UBR3: variants seen among roughly 807,000 people sequenced by gnomAD.
The protein encoded by UBR3 is E3 ubiquitin-protein ligase UBR3.
A neutral mutation model predicts 243.2 loss-of-function variants in UBR3; 85 were observed. The ratio of observed to expected loss-of-function variants is 0.35; its 90% CI spans 0.29 to 0.42. The LOEUF (loss-of-function observed/expected upper bound fraction) is 0.42. Among genes scored for constraint, UBR3 ranks in the 10% least tolerant of loss-of-function variants. The pLI is 1.00. For synonymous variants in UBR3, 748 were observed against 799.8 expected (o/e 0.94, Z 1.09); for missense variants, 1,686 against 2,300.8 (o/e 0.73, Z 5.47).
intron 24 of UBR3, among the ~76,000 whole-genome samples, chr2:169,974,067 T>G (rs576310032): frequency 1.5e-4 from 23 of 152,296 alleles, no homozygotes; most frequent in African/African-American, 4.8e-4. Context: ...GTGAGTGATC[T>G]TTTAGCTTTC....
At chr2:170,061,470 G>A (rs1312279224) in intron 35 of UBR3, 27 bp downstream of exon 35, 1 of 1,497,188 alleles carries the variant, frequency 6.7e-7, no homozygotes, top group African/African-American at 1.9e-5. Flanking sequence ...ATGTAAGAGG[G>A]AGCTTTTTTT....
intron 29 of UBR3, 33 bp downstream of exon 29, chr2:170,008,973 C>G: frequency 7.4e-7 from 1 of 1,345,420 alleles, no homozygotes; most frequent in Non-Finnish European, 1.0e-6. Context: ...TTTTAGTTTA[C>G]TTACTATTAA....
intron 1 of UBR3, 121 bp from the exon 2 acceptor site, chr2:169,872,115 C>T (rs1253539679): frequency 1.4e-6 from 1 of 735,262 alleles, no homozygotes; most frequent in Non-Finnish European, 2.0e-6. Context: ...AACCTGGTAC[C>T]TTAAAAATCA....
chr2:169,842,614 G>C (rs1476571033), intron 1 of UBR3, among the ~76,000 whole-genome samples: 1 of 152,160 alleles, frequency 6.6e-6, no homozygotes, highest in Non-Finnish European at 1.5e-5. Flanking sequence ...GAGCCCGCCA[G>C]GAGGAACGAA....
At position 170,052,470 on chromosome 2, in the gene UBR3, G is replaced by A. The variant is rs114427762; in HGVS notation, c.4661-2990G>A. ...ACCACCTAAGTGTCTGTCAATGGAT[G>A]AATAAAGATAATGTGGCATATAAGT... On this transcript the variant is annotated intron_variant, in intron 32 of 38. Transcript: ENST00000272793. Among the ~76,000 whole-genome samples the A allele has an allele frequency of 7.8e-3, 1,185 of 152,298 alleles. 13 individuals are homozygous for A. Among genetic ancestry groups the A allele is most frequent in the African/African-American group, 0.026 (1,071 of 41,570 alleles).
chr2:170,077,585 T>A (rs1379142695), intron 36 of UBR3: 1 of 530,448 alleles, frequency 1.9e-6, no homozygotes, highest in African/African-American at 2.0e-5. Flanking sequence ...GTCTTTCTCT[T>A]TCCTGTTGGA....
Position 169,958,419 on chromosome 2 carries a change from T to C in UBR3, c.3546-19T>C. ...TTAAGCGCATCTGATACTTAAAACT[T>C]TATTTCTGTTTAATCTAGGCGACAG... is the stretch of plus-strand genomic sequence containing the variant. On this transcript the variant is annotated intron_variant, in intron 23 of 38. Transcript: ENST00000272793. 2 of 1,610,522 alleles carry C rather than the reference T, an allele frequency of 1.2e-6. No individual in the cohort carries two copies. Among genetic ancestry groups the C allele is most frequent in the Non-Finnish European group, 1.7e-6 (2 of 1,178,258 alleles).
intron 5 of UBR3, among the ~76,000 whole-genome samples, chr2:169,890,421 T>G (rs1446258290): frequency 6.6e-6 from 1 of 151,468 alleles, no homozygotes; most frequent in Non-Finnish European, 1.5e-5. Flanking sequence ...CAATTACTGC[T>G]TTTGTTACTT....
At chr2:170,028,062 T>C (rs1429866989) in intron 30 of UBR3, among the ~76,000 whole-genome samples, 5 of 151,964 alleles carry the variant, frequency 3.3e-5, no homozygotes, top group African/African-American at 9.7e-5. Flanking sequence ...TTAAGGAAGA[T>C]GTAGGCTACA....
chr2:169,945,675 A>T (rs2086762044), intron 20 of UBR3, among the ~76,000 whole-genome samples: 1 of 152,222 alleles, frequency 6.6e-6, no homozygotes, highest in Non-Finnish European at 1.5e-5. Flanking sequence ...TCTTCTGGTT[A>T]GTGGTCTGTT....
intron 13 of UBR3, among the ~76,000 whole-genome samples, chr2:169,924,926 G>C (rs1307568343): frequency 6.6e-6 from 1 of 152,064 alleles, no homozygotes; most frequent in South Asian, 2.1e-4. Flanking sequence ...CCAGCTACTC[G>C]GGAGGCTGAG....
intron 1 of UBR3, among the ~76,000 whole-genome samples, chr2:169,860,627 T>C (rs1316869582): frequency 2.6e-5 from 4 of 152,186 alleles, no homozygotes; most frequent in Admixed American, 2.6e-4. Context: ...ATTGACTGAC[T>C]TGAGCATCTT....
At position 169,983,168 on chromosome 2, in the gene UBR3, T is replaced by A. The variant is rs536915183; in HGVS notation, c.3635-3477T>A. On this transcript the variant is annotated intron_variant, in intron 24 of 38. Coordinates refer to ENST00000272793, the MANE Select transcript of UBR3 (RefSeq NM_172070.4). Reference sequence around the variant, plus strand: ...AAACTGTGCAAGGTGGAGTTGAGAGTGAGAGCAGGAGAGAGAAACTATGCA... The same window carrying A: ...AAACTGTGCAAGGTGGAGTTGAGAGAGAGAGCAGGAGAGAGAAACTATGCA... Among the ~76,000 whole-genome samples, 13 of 150,462 alleles carry A rather than the reference T, an allele frequency of 8.6e-5. No individual in the cohort carries two copies. In the East Asian group the frequency reaches 2.5e-3, roughly 29 times the overall value.
rs915956892 is a variant in UBR3 at position 170,000,249 on chromosome 2, G to A, written c.3919-1055G>A. 2.0e-5 allele frequency among the ~76,000 whole-genome samples: 3 copies of A among 152,228 alleles called. No individual in the cohort carries two copies. In the South Asian group the frequency reaches 6.2e-4, roughly 32 times the overall value. ...TATATTAAGACCTTGTAAATATTAA[G>A]GCATGTTTTTGGGTTATTCTTGTGA... On this transcript the variant is annotated intron_variant, in intron 26 of 38. Transcript: ENST00000272793.
intron 1 of UBR3, among the ~76,000 whole-genome samples, chr2:169,852,086 G>T (rs191608568): frequency 1.5e-4 from 23 of 152,164 alleles, no homozygotes; most frequent in African/African-American, 5.5e-4. Flanking sequence ...TGGGCATTTA[G>T]ACTGCCTGTT....
intron 1 of UBR3, among the ~76,000 whole-genome samples, chr2:169,849,122 G>T (rs199673003): frequency 1.3e-5 from 2 of 152,204 alleles, no homozygotes; most frequent in African/African-American, 4.8e-5. Context: ...CCACTTGTCC[G>T]TTCACAGATG....
chr2:170,078,725 G>A (rs2091857983), intron 36 of UBR3, among the ~76,000 whole-genome samples: 1 of 152,146 alleles, frequency 6.6e-6, no homozygotes, highest in African/African-American at 2.4e-5. Flanking sequence ...CTCTTCATGA[G>A]GGAAATTATT....
intron 32 of UBR3, among the ~76,000 whole-genome samples, chr2:170,054,330 G>A (rs1012507947): frequency 2.7e-5 from 4 of 149,492 alleles, no homozygotes; most frequent in African/African-American, 7.4e-5. Flanking sequence ...TGCCTGGGCT[G>A]GAGTGCAATG....
At chr2:170,005,564 G>GA (rs1435398460) in intron 27 of UBR3, among the ~76,000 whole-genome samples, 2 of 152,154 alleles carry the variant, frequency 1.3e-5, no homozygotes, top group Non-Finnish European at 2.9e-5. Context: ...GGGAGAAAAA[G>GA]AAGGGAGTAA....
Sources: allele counts gnomAD v4.1 joint callset (sites outside exome capture counted in the v4.1 genomes callset), GRCh38; gene constraint gnomAD v4.1.1; transcripts MANE v1.5; gene names NCBI Gene and HGNC (gene_info 2026-07-23, HGNC 2026-07-21).